GRAMD1B: variants seen among roughly 807,000 people sequenced by gnomAD.
GRAMD1B encodes GRAM domain containing 1B.
GRAMD1B carries 37 observed loss-of-function variants against 99.7 expected under a neutral mutation model. That is an observed-to-expected ratio of 0.37 (90% CI 0.29 to 0.49). GRAMD1B has a LOEUF of 0.49. GRAMD1B is among the 20% of genes least tolerant of loss of function. The pLI, the probability that GRAMD1B is intolerant of heterozygous loss-of-function variation, is 0.98. For missense variants in GRAMD1B, 888 were observed against 1,009.2 expected (o/e 0.88, Z 1.63); for synonymous variants, 427 against 387.6 (o/e 1.10, Z -1.19).
chr11:123,582,138 A>C (rs1338608438), intron 3 of GRAMD1B, among the ~76,000 whole-genome samples: 3 of 152,250 alleles, frequency 2.0e-5, no homozygotes, highest in Non-Finnish European at 4.4e-5. Flanking sequence ...GGCAGCTCCC[A>C]GAGCGCACCT....
intron 1 of GRAMD1B, among the ~76,000 whole-genome samples, chr11:123,421,811 C>A (rs2136030708): frequency 6.6e-6 from 1 of 152,270 alleles, no homozygotes; most frequent in African/African-American, 2.4e-5. Flanking sequence ...AAATGACTTC[C>A]TCATTTGAGT....
rs1322809783 is a variant in GRAMD1B at position 123,594,117 on chromosome 11, C to A, written c.720C>A (p.Asp240Glu). The change falls in exon 5 of 20, where the codon GAC becomes GAA. Residue 240 changes from aspartate (D) to glutamate (E), a missense_variant. Coordinates refer to ENST00000635736, the MANE Select transcript of GRAMD1B (RefSeq NM_001387025.1). ...CCACCTACAAGCAGAGAAATGAAGA[C>A]TTCAGAAAGCTCTTTAAGCAGCTTC... is the stretch of plus-strand genomic sequence containing the variant. ...LSPTYKQRNE[D>E]FRKLFKQLPD... is the part of the protein sequence containing the mutation. 3 of 1,613,414 alleles carry A rather than the reference C, an allele frequency of 1.9e-6. No individual in the cohort carries two copies. Among genetic ancestry groups the A allele is most frequent in the Admixed American group, 3.3e-5 (2 of 60,002 alleles).
In GRAMD1B at chr11:123,478,554, TC is replaced by T. The variant is rs576234992; in HGVS notation, c.375-2260del. On this transcript the variant is annotated intron_variant, in intron 1 of 19. Transcript: ENST00000635736. ...GGTTCCTGAGGCTCCTTATTGGTTT[TC>T]CTTGTAGTTCTGGTTTGGAAGTCTA... is the stretch of plus-strand genomic sequence containing the variant. Among the ~76,000 whole-genome samples, 466 of 152,330 alleles carry T rather than the reference TC, an allele frequency of 3.1e-3. 7 individuals carry two copies. Among genetic ancestry groups the T allele is most frequent in the African/African-American group, 0.011 (455 of 41,566 alleles).
At chr11:123,375,480 A>G (rs901477030) in intron 1 of GRAMD1B, among the ~76,000 whole-genome samples, 4 of 152,218 alleles carry the variant, frequency 2.6e-5, no homozygotes, top group Admixed American at 6.5e-5. Flanking sequence ...AAGATGCTAT[A>G]TTAGATTTGT....
chr11:123,620,472 C>CAAAAA (rs55787871), intron 19 of GRAMD1B, among the ~76,000 whole-genome samples: 7 of 69,216 alleles, frequency 1.0e-4, no homozygotes, highest in East Asian at 9.2e-4. Flanking sequence ...GACTTCATCT[C>CAAAAA]AAAAAAAAAA....
chr11:123,400,101 T>C (rs1053298393), intron 1 of GRAMD1B, among the ~76,000 whole-genome samples: 2 of 152,234 alleles, frequency 1.3e-5, no homozygotes, highest in African/African-American at 4.8e-5. Context: ...ATATTTTCTA[T>C]ATTAACCTAT....
chr11:123,392,208 AGAG>A (rs977872730), intron 1 of GRAMD1B, among the ~76,000 whole-genome samples: 20 of 152,204 alleles, frequency 1.3e-4, no homozygotes, highest in African/African-American at 4.8e-4. Context: ...AAAGGGTAGA[AGAG>A]GAGAATGAAA....
chr11:123,414,081 G>A (rs1304636908), intron 1 of GRAMD1B, among the ~76,000 whole-genome samples: 2 of 146,460 alleles, frequency 1.4e-5, no homozygotes, highest in Non-Finnish European at 3.0e-5. Flanking sequence ...GTCTTGCTCT[G>A]TTGCCCAGGC....
intron 2 of GRAMD1B, among the ~76,000 whole-genome samples, chr11:123,571,679 T>G (rs1948114737): frequency 6.6e-6 from 1 of 152,128 alleles, no homozygotes; most frequent in African/African-American, 2.4e-5. Flanking sequence ...CTATTATGAA[T>G]GAGAGCTGAT....
rs549078046 is a variant in GRAMD1B at position 123,600,821 on chromosome 11, A to C, written c.1050+273A>C. ...GTAATGCATGCAGCCCTGAAGAAAG[A>C]AGTCCTTAAATTCACAGACCCCCAG... is the stretch of plus-strand genomic sequence containing the variant. On this transcript the variant is annotated intron_variant, in intron 8 of 19. Transcript: ENST00000635736. Among the ~76,000 whole-genome samples the C allele has an allele frequency of 2.0e-5, 3 of 152,324 alleles. No individual in the cohort carries two copies. The South Asian group carries it at 6.2e-4, about 32-fold the overall frequency.
chr11:123,458,863 G>T (rs543755719), intron 1 of GRAMD1B: 3 of 152,174 alleles, frequency 2.0e-5, no homozygotes, highest in Admixed American at 2.0e-4. Flanking sequence ...GTAGTTCCAG[G>T]TATGGCTTGG....
At chr11:123,454,588 A>T (rs1163257019) in intron 1 of GRAMD1B, 1 of 152,212 alleles carries the variant, frequency 6.6e-6, no homozygotes, top group Non-Finnish European at 1.5e-5. Flanking sequence ...GATGTTCTGC[A>T]TATCTTGCCT....
At chr11:123,504,681 TTTTC>T (rs1471285400) in intron 2 of GRAMD1B, among the ~76,000 whole-genome samples, 1 of 152,106 alleles carries the variant, frequency 6.6e-6, no homozygotes, top group Non-Finnish European at 1.5e-5. Flanking sequence ...GTTTCTCTGA[TTTTC>T]TTTTTTTCTT....
intron 1 of GRAMD1B, among the ~76,000 whole-genome samples, chr11:123,454,032 AC>A (rs1440941478): frequency 1.3e-5 from 2 of 152,346 alleles, no homozygotes; most frequent in East Asian, 3.9e-4. Context: ...CAGGGTAAAT[AC>A]TTTCCCAGCA....
At chr11:123,438,942 T>C (rs1419371318) in intron 1 of GRAMD1B, among the ~76,000 whole-genome samples, 1 of 152,226 alleles carries the variant, frequency 6.6e-6, no homozygotes, top group Non-Finnish European at 1.5e-5. Context: ...GGGCCAAGGC[T>C]GGCCCGGAGA....
At chr11:123,388,480 C>T (rs1947153318) in intron 1 of GRAMD1B, among the ~76,000 whole-genome samples, 2 of 151,924 alleles carry the variant, frequency 1.3e-5, no homozygotes, top group South Asian at 2.1e-4. Flanking sequence ...TGAGACCAGC[C>T]TGGGCAACAT....
At chr11:123,360,768 TTTCC>T (rs35477196) in intron 1 of GRAMD1B, among the ~76,000 whole-genome samples, 10,198 of 70,060 alleles carry the variant, frequency 0.15, 856 homozygotes, top group Admixed American at 0.18. Context: ...TCCTTCCTTC[TTTCC>T]TTCCTTCCTT....
intron 1 of GRAMD1B, among the ~76,000 whole-genome samples, chr11:123,475,638 AG>A (rs1449958790): frequency 6.6e-6 from 1 of 152,234 alleles, no homozygotes; most frequent in African/African-American, 2.4e-5. Context: ...TCCGGTGCCC[AG>A]GCAAGGACAT....
chr11:123,537,579 T>C (rs1419639294), intron 2 of GRAMD1B, among the ~76,000 whole-genome samples: 5 of 152,232 alleles, frequency 3.3e-5, no homozygotes, highest in Non-Finnish European at 7.3e-5. Context: ...TATGCGTTTA[T>C]CTTGCATCTG....
Sources: gnomAD v4.1 joint callset for allele counts (sites outside exome capture counted in the v4.1 genomes callset) on GRCh38, gnomAD v4.1.1 for gene constraint, MANE v1.5 for transcripts, NCBI Gene and HGNC (gene_info 2026-07-23, HGNC 2026-07-21) for gene names.